The following MMS22L variants were observed in gnomAD, a reference collection of about 807,000 sequenced individuals.
MMS22L encodes protein MMS22-like.
Under a neutral mutation model 159.1 loss-of-function variants are expected in MMS22L, and 74 were observed. The observed-to-expected ratio is 0.47, with a 90% CI of 0.39 to 0.56. The LOEUF is 0.56. Among genes scored for constraint, MMS22L ranks in the 20% least tolerant of loss-of-function variants. MMS22L has a pLI of 0.00. For synonymous variants in MMS22L, 517 were observed against 506.9 expected (o/e 1.02, Z -0.27); for missense variants, 1,351 against 1,422.1 (o/e 0.95, Z 0.80).
intron 15 of MMS22L, among the ~76,000 whole-genome samples, chr6:97,184,020 A>C (rs896472319): frequency 6.6e-6 from 1 of 151,996 alleles, no homozygotes; most frequent in African/African-American, 2.4e-5. Context: ...TGCTCTTTTC[A>C]CCTTTTCTCT....
At chr6:97,182,143 T>G (rs778509080) in intron 15 of MMS22L, 89 bp from the exon 16 acceptor site, 65 of 1,077,462 alleles carry the variant, frequency 6.0e-5, no homozygotes, top group Non-Finnish European at 7.8e-5. Flanking sequence ...AACAAGTGTT[T>G]TTTTTTTTTT....
chr6:97,151,792 G>A lies in MMS22L; in HGVS notation c.3461C>T (p.Ser1154Phe), dbSNP rs1052824689. The A allele has an allele frequency of 1.2e-6, 2 of 1,613,604 alleles. No homozygotes were observed. Among genetic ancestry groups the A allele is most frequent in the Admixed American group, 3.3e-5 (2 of 59,984 alleles). The change falls in exon 23 of 25, where the codon TCC (serine) becomes TTC (phenylalanine). Residue 1154 changes from serine (S) to phenylalanine (F), a missense_variant. Physicochemically the swap from Ser to Phe is radical, Grantham distance 155 (BLOSUM62 -2). Transcript: ENST00000683635. ...CQVGSEEEPS[S>F]QLTSVFRQFI... ...TTACCTAAACACAGAAGTCAGCTGGGAGGAAGGTTCTTCTTCTGACCCCAC... is the reference window on the plus strand; with the variant it reads ...TTACCTAAACACAGAAGTCAGCTGGAAGGAAGGTTCTTCTTCTGACCCCAC...
chr6:97,233,547 G>T (rs540066644), intron 12 of MMS22L, among the ~76,000 whole-genome samples: 1 of 152,192 alleles, frequency 6.6e-6, no homozygotes, highest in East Asian at 1.9e-4. Flanking sequence ...AGCAGTGCCT[G>T]TTCAATGTGT....
chr6:97,206,892 T>C (rs895899726), intron 14 of MMS22L, among the ~76,000 whole-genome samples: 12 of 152,130 alleles, frequency 7.9e-5, no homozygotes, highest in African/African-American at 2.9e-4. Context: ...TTTAATATAG[T>C]GGCAATTTAA....
At chr6:97,278,390 A>G (rs1381649003) in intron 4 of MMS22L, among the ~76,000 whole-genome samples, 1 of 151,132 alleles carries the variant, frequency 6.6e-6, no homozygotes, top group African/African-American at 2.4e-5. Context: ...ACAAAAGAGC[A>G]GAACTCCCTA....
In MMS22L at chr6:97,215,270, C is replaced by T. The variant is rs778526780; in HGVS notation, c.2039+13624G>A. ...CAATGACTGGCTGTGGCAACAGCAG[C>T]GGCTCTGCTCTGCACAGTAGTTAGC... On this transcript the variant is annotated intron_variant, in intron 14 of 24. Transcript: ENST00000683635. 9.9e-5 allele frequency among the ~76,000 whole-genome samples: 15 copies of T among 152,104 alleles called. 1 individual carries two copies. In the Middle Eastern group the frequency reaches 0.017, roughly 172 times the overall value.
At chr6:97,229,477 G>A in intron 13 of MMS22L, 74 bp from the exon 14 acceptor site, 2 of 1,045,772 alleles carry the variant, frequency 1.9e-6, no homozygotes, top group South Asian at 1.8e-5. Context: ...AAGAAAATTT[G>A]TTTCAATACT....
Position 97,162,057 on chromosome 6 carries a change from A to C in MMS22L, c.3330T>G (p.Val1110=). ...TTAAAATGCCAGGGAGGAGTAGTTC[A>C]ACTTCATAAATGTCTGTGTTAGTTT... ...FKETNTDIYE[V]ELLLPGILKC... Residue 1110 remains valine, a synonymous_variant, in exon 22 of 25, where the codon GTT becomes GTG. Transcript: ENST00000683635. 6.2e-7 allele frequency: 1 copy of C among 1,612,382 alleles called. No homozygotes were observed. The highest frequency in any genetic ancestry group is 8.5e-7 in the Non-Finnish European group (1 of 1,179,084).
intron 3 of MMS22L, among the ~76,000 whole-genome samples, chr6:97,279,462 C>A (rs1023223674): frequency 4.7e-5 from 7 of 149,674 alleles, no homozygotes; most frequent in Admixed American, 1.3e-4. Flanking sequence ...CCAGCCTGGG[C>A]AACAGAGCAA....
In MMS22L at chr6:97,181,900, G is replaced by T. The variant is rs114735066; in HGVS notation, c.2384+4C>A. Reference sequence around the variant, plus strand: ...ATGTGTATGCCTGAAATAAAAGCACGTACCTATTTTGTAGGACATGACTTA... The same window carrying T: ...ATGTGTATGCCTGAAATAAAAGCACTTACCTATTTTGTAGGACATGACTTA... On this transcript the variant is annotated splice_donor_region_variant and intron_variant, in intron 16 of 24. Coordinates refer to ENST00000683635, the MANE Select transcript of MMS22L (RefSeq NM_001350599.2). 1,357 of 1,610,264 alleles carry T rather than the reference G, an allele frequency of 8.4e-4. 4 individuals carry two copies. In the African/African-American group the frequency reaches 0.013, roughly 15 times the overall value.
rs768115917 is a variant in MMS22L at position 97,229,364 on chromosome 6, T to A, written c.1569A>T (p.Leu523=). 6.3e-7 allele frequency: 1 copy of A among 1,593,896 alleles called. No individual in the cohort carries two copies. Among genetic ancestry groups the A allele is most frequent in the East Asian group, 2.2e-5 (1 of 44,648 alleles). Residue 523 remains leucine, a synonymous_variant, in exon 14 of 25, where the codon CTA becomes CTT. Coordinates refer to ENST00000683635, the MANE Select transcript of MMS22L (RefSeq NM_001350599.2). ...AAAAGTTCTGTAGACCAACTTCAGT[T>A]AGTTCTTCCATTCTTTTTTGATGGA... ...SKFHQKRMEE[L]TEVGLQNFFS...
chr6:97,241,869 T>C (rs1471632665), intron 11 of MMS22L, among the ~76,000 whole-genome samples: 1 of 152,226 alleles, frequency 6.6e-6, no homozygotes, highest in East Asian at 1.9e-4. Flanking sequence ...GACCTAAAGA[T>C]CATTCAGAAG....
At chr6:97,227,311 A>G (rs988059748) in intron 14 of MMS22L, among the ~76,000 whole-genome samples, 3 of 152,174 alleles carry the variant, frequency 2.0e-5, no homozygotes, top group Admixed American at 6.5e-5. Flanking sequence ...GAAGATGCCC[A>G]TACTCTTTCT....
intron 14 of MMS22L, among the ~76,000 whole-genome samples, chr6:97,223,643 G>C (rs1047507310): frequency 6.6e-6 from 1 of 152,012 alleles, no homozygotes; most frequent in Non-Finnish European, 1.5e-5. Flanking sequence ...ACTTTTTCTT[G>C]TTTCCTGTCC....
intron 4 of MMS22L, among the ~76,000 whole-genome samples, chr6:97,277,410 T>A (rs1020680096): frequency 6.6e-6 from 1 of 151,828 alleles, no homozygotes; most frequent in Non-Finnish European, 1.5e-5. Context: ...CGAGACTCCA[T>A]CTCAAAAAAT....
chr6:97,173,095 C>T lies in MMS22L; in HGVS notation c.2807G>A (p.Ser936Asn), dbSNP rs766398276. 10 of 1,613,002 alleles carry T rather than the reference C, an allele frequency of 6.2e-6. No homozygotes were observed. The highest frequency in any genetic ancestry group is 5.1e-6 in the Non-Finnish European group (6 of 1,179,656). ...TCCATAAGTCAGCTGCAGCCCTGCACTGAAAACTTTTTTTCCCAAATAAGG... is the reference window on the plus strand; with the variant it reads ...TCCATAAGTCAGCTGCAGCCCTGCATTGAAAACTTTTTTTCCCAAATAAGG... Reference protein sequence around the residue: ...IKPYLGKKVFSAGLQLTYGMM... With the variant: ...IKPYLGKKVFNAGLQLTYGMM... The change falls in exon 19 of 25, where the codon AGT becomes AAT. Residue 936 changes from serine (S) to asparagine (N), a missense_variant. Physicochemically the swap from Ser to Asn is conservative, Grantham distance 46. Coordinates refer to ENST00000683635, the MANE Select transcript of MMS22L (RefSeq NM_001350599.2).
chr6:97,254,784 T>A, intron 9 of MMS22L, 51 bp from the exon 10 acceptor site: 1 of 1,436,152 alleles, frequency 7.0e-7, no homozygotes, highest in Non-Finnish European at 9.3e-7. Flanking sequence ...CAATAACCTT[T>A]GATTTCGTGG....
chr6:97,189,882 G>T (rs577249231), intron 14 of MMS22L, among the ~76,000 whole-genome samples: 1 of 152,260 alleles, frequency 6.6e-6, no homozygotes, highest in African/African-American at 2.4e-5. Flanking sequence ...AGTTGTTTAA[G>T]ACCTTATAAT....
chr6:97,179,636 A>G, intron 16 of MMS22L, 77 bp from the exon 17 acceptor site: 2 of 1,310,212 alleles, frequency 1.5e-6, no homozygotes, highest in Non-Finnish European at 2.0e-6. Context: ...AAAGAAAAAC[A>G]TTCTAACATC....
Sources: allele counts gnomAD v4.1 joint callset (sites outside exome capture counted in the v4.1 genomes callset), GRCh38; gene constraint gnomAD v4.1.1; transcripts MANE v1.5; gene names NCBI Gene and HGNC (gene_info 2026-07-23, HGNC 2026-07-21).